PTPN14: variants seen among roughly 807,000 people sequenced by gnomAD.
The protein encoded by PTPN14 is tyrosine-protein phosphatase non-receptor type 14.
In PTPN14, 53 loss-of-function variants were observed where a neutral mutation model predicts 126.8. The observed-to-expected ratio is 0.42, with a 90% CI of 0.34 to 0.53. PTPN14 has a LOEUF of 0.53. Among genes scored for constraint, PTPN14 ranks in the 20% least tolerant of loss-of-function variants. The pLI is 0.08. For missense variants in PTPN14, 1,257 were observed against 1,552.9 expected, an observed-to-expected ratio of 0.81 and a Z score of 3.20; for synonymous variants, 630 against 599.3, an observed-to-expected ratio of 1.05 and a Z score of -0.75.
chr1:214,510,147 G>A (rs932996287), intron 1 of PTPN14, among the ~76,000 whole-genome samples: 6 of 152,212 alleles, frequency 3.9e-5, no homozygotes, highest in Admixed American at 1.3e-4. Flanking sequence ...GATAAGGGAG[G>A]GAGTGGCTGG....
intron 3 of PTPN14, among the ~76,000 whole-genome samples, chr1:214,444,539 A>G (rs1660100837): frequency 6.6e-6 from 1 of 152,238 alleles, no homozygotes; most frequent in African/African-American, 2.4e-5. Context: ...AGGAAATGGA[A>G]ATACTACCAT....
At chr1:214,435,774 A>G (rs1223321813) in intron 3 of PTPN14, among the ~76,000 whole-genome samples, 1 of 152,234 alleles carries the variant, frequency 6.6e-6, no homozygotes, top group East Asian at 1.9e-4. Context: ...GAATGCTTAT[A>G]CACTGCTGGT....
intron 3 of PTPN14, 145 bp from the exon 4 acceptor site, chr1:214,414,871 T>C (rs748168611): frequency 7.7e-6 from 5 of 648,042 alleles, no homozygotes; most frequent in Non-Finnish European, 1.1e-5. Context: ...CTATAAAAGA[T>C]GGAAAGTGAC....
intron 15 of PTPN14, among the ~76,000 whole-genome samples, chr1:214,373,403 T>C (rs1246189778): frequency 6.6e-6 from 1 of 152,186 alleles, no homozygotes; most frequent in Non-Finnish European, 1.5e-5. Flanking sequence ...CTAGTGCCTA[T>C]TAAAAACCAT....
chr1:214,448,694 T>G (rs998679490), intron 3 of PTPN14, among the ~76,000 whole-genome samples: 2 of 152,202 alleles, frequency 1.3e-5, no homozygotes, highest in African/African-American at 4.8e-5. Context: ...TGAGAACCAC[T>G]GATCTATTCC....
intron 2 of PTPN14, among the ~76,000 whole-genome samples, chr1:214,453,925 T>C (rs1185031840): frequency 6.6e-6 from 1 of 152,210 alleles, no homozygotes; most frequent in Non-Finnish European, 1.5e-5. Flanking sequence ...TCTGATGCTA[T>C]CCTCTGAGAT....
intron 3 of PTPN14, 113 bp downstream of exon 3, chr1:214,451,692 C>T (rs1407193391): frequency 5.6e-6 from 7 of 1,249,632 alleles, no homozygotes; most frequent in South Asian, 1.6e-5. Context: ...TCCCCCACCA[C>T]ACACCCGCAC....
Position 214,357,753 on chromosome 1 carries a change from CAT to C in PTPN14, c.*167_*168del. On this transcript the variant is annotated 3_prime_UTR_variant, in exon 19 of 19. Transcript: ENST00000366956. ...CAAAGGGGAAAAAAATAAATTATCT[CAT>C]ATAAAATAATACATGGTATGTGTGA... 1 of 528,026 alleles carries C rather than the reference CAT, an allele frequency of 1.9e-6. No individual in the cohort carries two copies. Among genetic ancestry groups the C allele is most frequent in the Non-Finnish European group, 3.4e-6 (1 of 292,428 alleles). 32.7% of individuals were successfully genotyped at this position (528,026 alleles called of 1,614,324 possible).
At chr1:214,514,655 T>C (rs896638189) in intron 1 of PTPN14, among the ~76,000 whole-genome samples, 5 of 152,056 alleles carry the variant, frequency 3.3e-5, no homozygotes, top group African/African-American at 9.7e-5. Flanking sequence ...ACTCAGGCAG[T>C]CCCCATACTA....
chr1:214,510,968 G>C (rs1411908439), intron 1 of PTPN14, among the ~76,000 whole-genome samples: 3 of 152,026 alleles, frequency 2.0e-5, no homozygotes, highest in Non-Finnish European at 4.4e-5. Flanking sequence ...GCCTCGAACT[G>C]CTGGGCTCAA....
At chr1:214,406,202 G>A (rs768247284) in intron 5 of PTPN14, among the ~76,000 whole-genome samples, 14 of 152,198 alleles carry the variant, frequency 9.2e-5, no homozygotes, top group African/African-American at 1.2e-4. Context: ...AGCCAAGGCC[G>A]TTGCAGTGGC....
intron 1 of PTPN14, among the ~76,000 whole-genome samples, chr1:214,484,151 C>A (rs1195066188): frequency 6.6e-6 from 1 of 152,184 alleles, no homozygotes; most frequent in African/African-American, 2.4e-5. Context: ...TGCCTGTAAT[C>A]CCAGCACTTC....
chr1:214,436,636 A>C (rs563596689), intron 3 of PTPN14, among the ~76,000 whole-genome samples: 2 of 152,006 alleles, frequency 1.3e-5, no homozygotes, highest in Non-Finnish European at 2.9e-5. Context: ...TCTCTAAAAA[A>C]ATTAGCTGGG....
intron 1 of PTPN14, among the ~76,000 whole-genome samples, chr1:214,470,807 C>G (rs1234900130): frequency 8.0e-6 from 1 of 125,084 alleles, no homozygotes; most frequent in African/African-American, 3.1e-5. Context: ...AAAAACTGCA[C>G]TTGAGTGCCC....
At chr1:214,393,674 G>A in intron 10 of PTPN14, 21 bp downstream of exon 10, 1 of 1,529,450 alleles carries the variant, frequency 6.5e-7, no homozygotes, top group Non-Finnish European at 9.1e-7. Context: ...TCAAGTCGGG[G>A]GGGATTAAAT....
intron 1 of PTPN14, among the ~76,000 whole-genome samples, chr1:214,522,640 A>ATGG (rs1259481693): frequency 6.6e-6 from 1 of 152,240 alleles, no homozygotes; most frequent in African/African-American, 2.4e-5. Context: ...CCTACACCAA[A>ATGG]TGGTGGTAAG....
At chr1:214,422,758 A>G (rs1168136644) in intron 3 of PTPN14, among the ~76,000 whole-genome samples, 1 of 152,150 alleles carries the variant, frequency 6.6e-6, no homozygotes, top group Non-Finnish European at 1.5e-5. Context: ...CAACAAATGA[A>G]AGGCAAGAAG....
intron 1 of PTPN14, among the ~76,000 whole-genome samples, chr1:214,513,948 G>A (rs1571636637): frequency 3.3e-5 from 5 of 152,232 alleles, no homozygotes; most frequent in Admixed American, 3.3e-4. Flanking sequence ...ACCAGCAGCA[G>A]CAGCAGCAGG....
intron 1 of PTPN14, among the ~76,000 whole-genome samples, chr1:214,550,093 A>G (rs1318306330): frequency 1.3e-5 from 2 of 151,896 alleles, no homozygotes; most frequent in Non-Finnish European, 2.9e-5. Context: ...CTCGCCTCAG[A>G]CTCTCACAGA....
Sources: gnomAD v4.1 joint callset for allele counts (sites outside exome capture counted in the v4.1 genomes callset) on GRCh38, gnomAD v4.1.1 for gene constraint, MANE v1.5 for transcripts, NCBI Gene and HGNC (gene_info 2026-07-23, HGNC 2026-07-21) for gene names.